The following NRG2 variants were observed in gnomAD, a reference collection of about 807,000 sequenced individuals.
The protein encoded by NRG2 is pro-neuregulin-2, membrane-bound isoform.
Under a neutral mutation model 73.9 loss-of-function variants are expected in NRG2, and 27 were observed. That is an observed-to-expected ratio of 0.37 (90% CI 0.27 to 0.50). The LOEUF (loss-of-function observed/expected upper bound fraction) is 0.50. Ranked by LOEUF, NRG2 falls within the 20% of genes least tolerant of loss-of-function variation. NRG2 has a pLI of 0.96. For missense variants in NRG2, 1,126 were observed against 1,210.1 expected (o/e 0.93, Z 1.03); for synonymous variants, 532 against 541.0 (o/e 0.98, Z 0.23).
At chr5:139,957,627 T>C (rs1754736924) in intron 1 of NRG2, among the ~76,000 whole-genome samples, 1 of 152,186 alleles carries the variant, frequency 6.6e-6, no homozygotes. Context: ...CTGCCTGATA[T>C]GCAGAGTAGG....
intron 1 of NRG2, among the ~76,000 whole-genome samples, chr5:139,959,570 T>C (rs371594489): frequency 6.6e-6 from 1 of 152,206 alleles, no homozygotes; most frequent in African/African-American, 2.4e-5. Context: ...GAAACTGGGT[T>C]TCACCACGTT....
intron 1 of NRG2, among the ~76,000 whole-genome samples, chr5:140,001,975 G>A (rs1335133973): frequency 2.0e-5 from 3 of 152,054 alleles, no homozygotes; most frequent in African/African-American, 4.8e-5. Context: ...TTGAGCCCAC[G>A]AGTTTGAGAC....
intron 5 of NRG2, among the ~76,000 whole-genome samples, chr5:139,859,677 C>A (rs1762020315): frequency 1.3e-5 from 2 of 152,166 alleles, no homozygotes; most frequent in South Asian, 4.1e-4. Context: ...CGGTCCGAAC[C>A]CCTGAGTGCC....
intron 1 of NRG2, among the ~76,000 whole-genome samples, chr5:139,957,785 G>A (rs534096901): frequency 1.3e-5 from 2 of 152,312 alleles, no homozygotes; most frequent in Admixed American, 1.3e-4. Flanking sequence ...CAAGATAAAA[G>A]TCTCCAAAAG....
intron 4 of NRG2, among the ~76,000 whole-genome samples, chr5:139,867,793 T>A (rs1331197845): frequency 0.02 from 2,614 of 131,872 alleles, 31 homozygotes; most frequent in Middle Eastern, 0.064. Context: ...TGTGTGTGTG[T>A]GTGTATGAGT....
At chr5:139,958,285 T>C (rs1166908375) in intron 1 of NRG2, among the ~76,000 whole-genome samples, 1 of 152,030 alleles carries the variant, frequency 6.6e-6, no homozygotes, top group East Asian at 1.9e-4. Flanking sequence ...AGACTCTGGG[T>C]TTCCTGGGAA....
Position 139,856,118 on chromosome 5 carries a change from G to A in NRG2, c.1190-340C>T, listed in dbSNP as rs182582727. On this transcript the variant is annotated intron_variant, in intron 5 of 9. Transcript: ENST00000361474. The surrounding 1 kb of genome is among the most constrained non-coding windows in gnomAD (Gnocchi z 4.2). ...CAAAGCTCCCGAGGCTGTAGAGCAG[G>A]GGAGGACAGCTCAGTCTGGCCGGTG... 3.1e-6 allele frequency: 1 copy of A among 318,704 alleles called. No homozygotes were observed. The highest frequency in any genetic ancestry group is 6.0e-6 in the Non-Finnish European group (1 of 165,458). The allele number at this position is 318,704 out of a possible 1,614,324, so 19.7% of individuals were successfully genotyped here.
chr5:139,848,948 A>G (rs1031351086), intron 9 of NRG2, among the ~76,000 whole-genome samples: 2 of 152,148 alleles, frequency 1.3e-5, no homozygotes. Flanking sequence ...TGTTGGGATG[A>G]TTCCAGATTG....
chr5:139,910,154 A>G lies in NRG2; in HGVS notation c.701-22643T>C, dbSNP rs114984792. On this transcript the variant is annotated intron_variant, in intron 1 of 9. Coordinates refer to ENST00000361474, the MANE Select transcript of NRG2 (RefSeq NM_004883.3). ...ATTTTCCACACCAGGCACTCAGGCT[A>G]TGAAACAGGGAGATACACTTCCAGA... Among the ~76,000 whole-genome samples the G allele has an allele frequency of 4.9e-3, 752 of 152,312 alleles. 6 individuals carry two copies. Among genetic ancestry groups the G allele is most frequent in the African/African-American group, 0.017 (708 of 41,562 alleles).
Position 139,902,379 on chromosome 5 carries a change from G to C in NRG2, c.701-14868C>G, listed in dbSNP as rs577752009. On this transcript the variant is annotated intron_variant, in intron 1 of 9. Transcript: ENST00000361474. ...ACTGGCCTGGGTTTGTGTGGAGAGAGGTACCTCTTCCTGCTATTTGCTAAG... is the reference window on the plus strand; with the variant it reads ...ACTGGCCTGGGTTTGTGTGGAGAGACGTACCTCTTCCTGCTATTTGCTAAG... 6.6e-5 allele frequency among the ~76,000 whole-genome samples: 10 copies of C among 152,310 alleles called. No individual in the cohort carries two copies. The South Asian group carries it at 2.1e-3, about 32-fold the overall frequency.
chr5:139,855,698 C>G lies in NRG2; in HGVS notation c.1270G>C (p.Val424Leu). 6.2e-7 allele frequency: 1 copy of G among 1,614,068 alleles called. No individual in the cohort carries two copies. The highest frequency in any genetic ancestry group is 2.2e-5 in the East Asian group (1 of 44,872). Residue 424 changes from valine (V) to leucine (L), a missense_variant, in exon 6 of 10, where the codon GTG becomes CTG. Physicochemically the swap from Val to Leu is conservative, Grantham distance 32. This residue lies in a region of NRG2 where 539 missense variants were observed against 703.2 expected (regional missense o/e 0.77). Coordinates refer to ENST00000361474, the MANE Select transcript of NRG2 (RefSeq NM_004883.3). Reference sequence around the variant, plus strand: ...CACTTGGTCTTGCAGTAGGCCACCACACAGACGATGCCCACGACCAGCAGA... The same window carrying G: ...CACTTGGTCTTGCAGTAGGCCACCAGACAGACGATGCCCACGACCAGCAGA... ...VALLVVGIVC[V>L]VAYCKTKKQR... is the part of the protein sequence containing the mutation.
At chr5:140,000,572 C>A (rs1758379419) in intron 1 of NRG2, among the ~76,000 whole-genome samples, 1 of 152,258 alleles carries the variant, frequency 6.6e-6, no homozygotes, top group African/African-American at 2.4e-5. Context: ...CGGAATGATT[C>A]TGGGTGAAGG....
Position 139,973,156 on chromosome 5 carries a change from C to CAAAAAAAAAAAAAAAA in NRG2, c.700+69198_700+69213dup, listed in dbSNP as rs58053481. Among the ~76,000 whole-genome samples the CAAAAAAAAAAAAAAAA allele has an allele frequency of 2.2e-5, 2 of 89,422 alleles. 1 individual carries two copies. Among genetic ancestry groups the CAAAAAAAAAAAAAAAA allele is most frequent in the African/African-American group, 7.7e-5 (2 of 26,106 alleles). 58.7% of individuals were successfully genotyped at this position (89,422 alleles called of 152,430 possible). ...TGCATCCTAAAGAAGTAAGAATATG[C>CAAAAAAAAAAAAAAAA]AAAAAAAAAAAAAAAAAAAAGCCCT... On this transcript the variant is annotated intron_variant, in intron 1 of 9. Coordinates refer to ENST00000361474, the MANE Select transcript of NRG2 (RefSeq NM_004883.3).
intron 3 of NRG2, among the ~76,000 whole-genome samples, chr5:139,873,037 G>A (rs577755913): frequency 8.5e-5 from 13 of 152,302 alleles, no homozygotes; most frequent in South Asian, 2.1e-4. Flanking sequence ...GGGTGGAAGT[G>A]AGAGGAGGAG....
intron 1 of NRG2, among the ~76,000 whole-genome samples, chr5:139,968,557 G>A (rs181594776): frequency 6.6e-6 from 1 of 152,280 alleles, no homozygotes; most frequent in East Asian, 1.9e-4. Flanking sequence ...CTTCCTCCAC[G>A]CCTGCAGGGG....
intron 1 of NRG2, among the ~76,000 whole-genome samples, chr5:140,012,946 A>G (rs376932600): frequency 6.6e-5 from 10 of 152,206 alleles, no homozygotes; most frequent in African/African-American, 2.2e-4. Flanking sequence ...ATTCATATCC[A>G]TGAGCCAAAG....
intron 1 of NRG2, among the ~76,000 whole-genome samples, chr5:139,891,313 A>G (rs1434873144): frequency 3.9e-5 from 6 of 152,206 alleles, no homozygotes; most frequent in Non-Finnish European, 8.8e-5. Flanking sequence ...GCCCTAATTC[A>G]GAGGGCCTGA....
chr5:139,904,532 C>G lies in NRG2; in HGVS notation c.701-17021G>C, dbSNP rs1003304450. 2.0e-5 allele frequency: 10 copies of G among 509,702 alleles called. No individual in the cohort carries two copies. Among genetic ancestry groups the G allele is most frequent in the Non-Finnish European group, 6.9e-6 (2 of 291,192 alleles). 31.6% of individuals were successfully genotyped at this position (509,702 alleles called of 1,614,324 possible). A position where few individuals can be genotyped will look rare whatever the true frequency, so the allele number is the denominator to read the frequency against. ...CACACCCTCCGGGGGAGGGGAGCAG[C>G]GAGCCTTAACTCTTCCCCTCCCGCG... On this transcript the variant is annotated intron_variant, in intron 1 of 9. Transcript: ENST00000361474. This position sits in a 1 kb window ranked among gnomAD's most constrained non-coding sequence, Gnocchi z 6.0.
Position 139,887,641 on chromosome 5 carries a change from C to T in NRG2, c.701-130G>A. 1.4e-6 allele frequency: 1 copy of T among 704,802 alleles called. No homozygotes were observed. Among genetic ancestry groups the T allele is most frequent in the South Asian group, 1.8e-5 (1 of 55,156 alleles). 43.7% of individuals were successfully genotyped at this position (704,802 alleles called of 1,614,324 possible). On this transcript the variant is annotated intron_variant, in intron 1 of 9. Transcript: ENST00000361474. This position sits in a 1 kb window ranked among gnomAD's most constrained non-coding sequence, Gnocchi z 4.5. The stretch of plus-strand genomic sequence containing the variant: ...GGGAAGGGTGATCCTGAGAGCCACC[C>T]CTCCTAGTGTCATTTCCTAGTTCAA...
Sources: allele counts gnomAD v4.1 joint callset (sites outside exome capture counted in the v4.1 genomes callset), GRCh38; gene constraint gnomAD v4.1.1; regional missense constraint gnomAD v4.1.1; non-coding constraint Gnocchi (gnomAD v3.1); transcripts MANE v1.5; gene names NCBI Gene and HGNC (gene_info 2026-07-23, HGNC 2026-07-21).